Variants in RBM20 observed in about 807,000 individuals in gnomAD.
The protein encoded by RBM20 is RNA binding motif protein 20.
Under a neutral mutation model 110.1 loss-of-function variants are expected in RBM20, and 51 were observed. That is an observed-to-expected ratio of 0.46 (90% CI 0.37 to 0.59). The LOEUF is 0.59. Ranked by LOEUF, RBM20 falls within the 20% of genes least tolerant of loss-of-function variation. The pLI is 0.00. For missense variants in RBM20, 1,512 were observed against 1,574.9 expected (o/e 0.96, Z 0.68); for synonymous variants, 589 against 618.2 (o/e 0.95, Z 0.70).
intron 3 of RBM20, 83 bp from the exon 4 acceptor site, chr10:110,784,258 C>A: frequency 9.8e-7 from 1 of 1,018,572 alleles, no homozygotes; most frequent in South Asian, 1.4e-5. Flanking sequence ...GGGGTCTGCA[C>A]CTACGAGTGG....
intron 7 of RBM20, among the ~76,000 whole-genome samples, chr10:110,800,390 C>T (rs762989954): frequency 4.6e-5 from 7 of 152,248 alleles, no homozygotes. Flanking sequence ...TGGCCACTGT[C>T]AGAACTCAGG....
At chr10:110,758,011 G>GTTTTTTTTTTTT (rs1590658146) in intron 1 of RBM20, among the ~76,000 whole-genome samples, 1 of 55,296 alleles carries the variant, frequency 1.8e-5, no homozygotes, top group East Asian at 4.1e-4. Flanking sequence ...CAAGATCCTT[G>GTTTTTTTTTTTT]TTCTTTTTTT....
intron 12 of RBM20, 117 bp from the exon 13 acceptor site, chr10:110,830,944 A>G: frequency 9.5e-7 from 1 of 1,048,814 alleles, no homozygotes. Flanking sequence ...GCCAAGGTCA[A>G]CAGCAAGTGA....
In RBM20 at chr10:110,836,106, G is replaced by T. The variant is rs1486214563; in HGVS notation, c.*128G>T. The T allele has an allele frequency of 1.8e-6, 1 of 550,938 alleles. No individual in the cohort carries two copies. The highest frequency in any genetic ancestry group is 3.2e-5 in the Admixed American group (1 of 30,780). The allele number at this position is 550,938 out of a possible 1,614,324, so 34.1% of individuals were successfully genotyped here. ...GAAGGAAAACCAAGCAGGGCACATT[G>T]CTTGGGCTTGTTCCCAGAGACTCAG... On this transcript the variant is annotated 3_prime_UTR_variant, in exon 14 of 14. Coordinates refer to ENST00000369519, the MANE Select transcript of RBM20 (RefSeq NM_001134363.3).
chr10:110,675,653 T>C (rs1228200728), intron 1 of RBM20, among the ~76,000 whole-genome samples: 1 of 152,190 alleles, frequency 6.6e-6, no homozygotes, highest in Non-Finnish European at 1.5e-5. Flanking sequence ...TTGGTGCTTG[T>C]TGAAAGCCCC....
intron 8 of RBM20, among the ~76,000 whole-genome samples, chr10:110,811,810 G>A (rs540025734): frequency 6.6e-6 from 1 of 152,306 alleles, no homozygotes; most frequent in Non-Finnish European, 1.5e-5. Flanking sequence ...CCCAAATGTA[G>A]GAGTGGCTTC....
At chr10:110,698,250 C>CG (rs1270790764) in intron 1 of RBM20, among the ~76,000 whole-genome samples, 1 of 115,236 alleles carries the variant, frequency 8.7e-6, no homozygotes. Flanking sequence ...TGGGCAAAGA[C>CG]TTCCCCTATA....
intron 1 of RBM20, among the ~76,000 whole-genome samples, chr10:110,712,750 G>C (rs1862955184): frequency 6.6e-6 from 1 of 152,178 alleles, no homozygotes; most frequent in South Asian, 2.1e-4. Flanking sequence ...CTGGGTGTCA[G>C]AACAAGATTC....
chr10:110,797,842 T>TG (rs1188877322), intron 6 of RBM20, among the ~76,000 whole-genome samples, 194 bp downstream of exon 6: 2 of 152,180 alleles, frequency 1.3e-5, no homozygotes, highest in Non-Finnish European at 2.9e-5. Context: ...AACCTTCTAG[T>TG]GATAGGTACA....
At position 110,709,562 on chromosome 10, in the gene RBM20, C is replaced by CT. The variant is rs10713170; in HGVS notation, c.191+64935dup. ...TGATTTTAAAGATCAGTGATAATTT[C>CT]TTTTTTTTTTTTTTTTTTAATTGGG... On this transcript the variant is annotated intron_variant, in intron 1 of 13. Transcript: ENST00000369519. Among the ~76,000 whole-genome samples the CT allele has an allele frequency of 7.7e-3, 1,037 of 135,478 alleles. 7 individuals carry two copies. The highest frequency in any genetic ancestry group is 0.012 in the Non-Finnish European group (731 of 62,704). The allele number at this position is 135,478 out of a possible 152,430, so 88.9% of individuals were successfully genotyped here.
rs201907079 is a variant in RBM20 at position 110,687,995 on chromosome 10, T to G, written c.191+43350T>G. ...TCATGAGTGCTACTCCTAAATGGTT[T>G]TGTGTGTGTGTGTGTGTGTGTGTGT... is the stretch of plus-strand genomic sequence containing the variant. On this transcript the variant is annotated intron_variant, in intron 1 of 13. Coordinates refer to ENST00000369519, the MANE Select transcript of RBM20 (RefSeq NM_001134363.3). Among the ~76,000 whole-genome samples, 218 of 145,488 alleles carry G rather than the reference T, an allele frequency of 1.5e-3. 1 individual carries two copies. Among genetic ancestry groups the G allele is most frequent in the African/African-American group, 5.4e-3 (214 of 39,506 alleles).
chr10:110,831,891 G>A (rs1401461234), intron 13 of RBM20, among the ~76,000 whole-genome samples: 1 of 151,894 alleles, frequency 6.6e-6, no homozygotes, highest in African/African-American at 2.4e-5. Context: ...ATGTTAAAGG[G>A]CGACATATAA....
At chr10:110,715,286 C>G (rs1230402315) in intron 1 of RBM20, among the ~76,000 whole-genome samples, 2 of 152,084 alleles carry the variant, frequency 1.3e-5, no homozygotes, top group Non-Finnish European at 2.9e-5. Context: ...AAAGAAAAAA[C>G]CCATAATTTG....
In RBM20 at chr10:110,667,943, C is replaced by T. The variant is rs113450459; in HGVS notation, c.191+23298C>T. Among the ~76,000 whole-genome samples the T allele has an allele frequency of 7.4e-3, 1,119 of 152,236 alleles. 7 individuals carry two copies. The highest frequency in any genetic ancestry group is 0.011 in the Non-Finnish European group (768 of 68,028). On this transcript the variant is annotated intron_variant, in intron 1 of 13. Coordinates refer to ENST00000369519, the MANE Select transcript of RBM20 (RefSeq NM_001134363.3). ...CTAAGCCAGAGGGAGCCCTGATTTACGAACTGTCCGGATTTAACTGAGGCT... is the reference window on the plus strand; with the variant it reads ...CTAAGCCAGAGGGAGCCCTGATTTATGAACTGTCCGGATTTAACTGAGGCT...
At chr10:110,798,532 A>G (rs74620673) in intron 6 of RBM20, among the ~76,000 whole-genome samples, 3,343 of 152,318 alleles carry the variant, frequency 0.022, 123 homozygotes, top group African/African-American at 0.076. Context: ...TATTATTCCC[A>G]TTTGACAAGT....
chr10:110,728,026 A>C (rs765991469), intron 1 of RBM20, among the ~76,000 whole-genome samples: 3 of 152,242 alleles, frequency 2.0e-5, no homozygotes, highest in Non-Finnish European at 4.4e-5. Flanking sequence ...ATATATGTGC[A>C]ACATTTTATT....
At chr10:110,758,993 A>G (rs1240986639) in intron 1 of RBM20, among the ~76,000 whole-genome samples, 1 of 152,236 alleles carries the variant, frequency 6.6e-6, no homozygotes, top group East Asian at 1.9e-4. Flanking sequence ...CTACAAAGGA[A>G]TAACAGTTAA....
chr10:110,757,005 C>T (rs1183550721), intron 1 of RBM20, among the ~76,000 whole-genome samples: 1 of 152,168 alleles, frequency 6.6e-6, no homozygotes, highest in African/African-American at 2.4e-5. Context: ...AACTTACAAT[C>T]AGATTTGTTC....
At chr10:110,810,176 C>T (rs547704748) in intron 7 of RBM20, among the ~76,000 whole-genome samples, 3 of 152,300 alleles carry the variant, frequency 2.0e-5, no homozygotes, top group African/African-American at 7.2e-5. Flanking sequence ...CTCAATGGAC[C>T]ACTCAGTGTT....
Sources: allele counts gnomAD v4.1 joint callset (sites outside exome capture counted in the v4.1 genomes callset), GRCh38; gene constraint gnomAD v4.1.1; transcripts MANE v1.5; gene names NCBI Gene and HGNC (gene_info 2026-07-23, HGNC 2026-07-21).